XIRP2: variants seen among roughly 807,000 people sequenced by gnomAD.
XIRP2 encodes the protein xin actin-binding repeat-containing protein 2.
In XIRP2, 236 loss-of-function variants were observed where a neutral mutation model predicts 277.0. The ratio of observed to expected loss-of-function variants is 0.85; its 90% CI spans 0.77 to 0.95. The LOEUF (loss-of-function observed/expected upper bound fraction) is 0.95. XIRP2 is among the 40% of genes least tolerant of loss of function. XIRP2 has a pLI of 0.00. For synonymous variants in XIRP2, 1,490 were observed against 1,416.5 expected, an observed-to-expected ratio of 1.05 and a Z score of -1.17; for missense variants, 4,640 against 4,157.5, an observed-to-expected ratio of 1.12 and a Z score of -3.19.
intron 3 of XIRP2, among the ~76,000 whole-genome samples, chr2:167,199,256 G>T (rs1304462348): frequency 9.2e-5 from 14 of 152,136 alleles, no homozygotes; most frequent in Admixed American, 8.5e-4. Context: ...GCACAAAAAT[G>T]ATTTAAGGTA....
At chr2:167,141,879 A>C (rs184558308) in intron 3 of XIRP2, among the ~76,000 whole-genome samples, 2 of 152,242 alleles carry the variant, frequency 1.3e-5, no homozygotes, top group Admixed American at 1.3e-4. Context: ...AATATAGAAA[A>C]GAAAATATAC....
At chr2:167,110,630 T>G (rs1349592970) in intron 2 of XIRP2, among the ~76,000 whole-genome samples, 2 of 152,164 alleles carry the variant, frequency 1.3e-5, no homozygotes, top group Non-Finnish European at 2.9e-5. Context: ...TTGTTCTTTT[T>G]GCTTTGGATT....
chr2:166,940,776 C>T (rs1440450576), intron 2 of XIRP2, among the ~76,000 whole-genome samples: 1 of 152,170 alleles, frequency 6.6e-6, no homozygotes, highest in South Asian at 2.1e-4. Context: ...TGCTGAACAG[C>T]AAATGTTGCT....
chr2:167,246,975 A>C lies in XIRP2; in HGVS notation c.5583A>C (p.Glu1861Asp). 2.5e-6 allele frequency: 4 copies of C among 1,613,676 alleles called. No individual in the cohort carries two copies. The highest frequency in any genetic ancestry group is 3.4e-6 in the Non-Finnish European group (4 of 1,179,748). Residue 1861 changes from glutamate to aspartate, a missense_variant, in exon 9 of 11, where the codon GAA (glutamate) becomes GAC (aspartate). Transcript: ENST00000409195. Reference sequence around the variant, plus strand: ...ATCAGAAAACAGTGACGAAAACAGAAGAAATTATAAAAGGTAACATGCTAG... The same window carrying C: ...ATCAGAAAACAGTGACGAAAACAGACGAAATTATAAAAGGTAACATGCTAG... Reference protein sequence around the residue: ...AVNQKTVTKTEEIIKGNMLAT... With the variant: ...AVNQKTVTKTDEIIKGNMLAT...
At chr2:166,928,044 G>T (rs1309952325) in intron 2 of XIRP2, among the ~76,000 whole-genome samples, 2 of 152,098 alleles carry the variant, frequency 1.3e-5, no homozygotes, top group Non-Finnish European at 2.9e-5. Context: ...TCTGCCTTCA[G>T]TAGATCAATG....
chr2:167,020,010 A>G (rs1043350225), intron 2 of XIRP2, among the ~76,000 whole-genome samples: 13 of 152,088 alleles, frequency 8.5e-5, no homozygotes, highest in African/African-American at 3.1e-4. Flanking sequence ...ATTCGCTTTT[A>G]GGAGATGGAT....
chr2:166,899,261 TGAA>T (rs1433439155), intron 1 of XIRP2, among the ~76,000 whole-genome samples: 1 of 152,132 alleles, frequency 6.6e-6, no homozygotes, highest in Non-Finnish European at 1.5e-5. Flanking sequence ...ACAGTTTGAA[TGAA>T]GTATAGAAAC....
At chr2:167,170,077 T>A (rs1211667641) in intron 3 of XIRP2, among the ~76,000 whole-genome samples, 2 of 152,178 alleles carry the variant, frequency 1.3e-5, no homozygotes, top group Non-Finnish European at 2.9e-5. Flanking sequence ...CATATTAGTC[T>A]TTGTTGAGAG....
At chr2:167,170,019 G>A (rs1299768529) in intron 3 of XIRP2, among the ~76,000 whole-genome samples, 1 of 152,080 alleles carries the variant, frequency 6.6e-6, no homozygotes, top group African/African-American at 2.4e-5. Context: ...TCATTTTATT[G>A]TGTGACATTA....
At chr2:167,170,398 T>A (rs1438752036) in intron 3 of XIRP2, among the ~76,000 whole-genome samples, 1 of 152,168 alleles carries the variant, frequency 6.6e-6, no homozygotes, top group Non-Finnish European at 1.5e-5. Context: ...CTTTATTACA[T>A]CTTTGATAGA....
At chr2:167,241,581 A>C (rs968662438) in intron 7 of XIRP2, among the ~76,000 whole-genome samples, 196 bp from the exon 8 acceptor site, 1 of 152,026 alleles carries the variant, frequency 6.6e-6, no homozygotes, top group Non-Finnish European at 1.5e-5. Flanking sequence ...TATCTTTTTT[A>C]ATAATTTCTG....
chr2:166,922,863 T>C (rs950826752), intron 2 of XIRP2, among the ~76,000 whole-genome samples: 4 of 150,762 alleles, frequency 2.7e-5, no homozygotes, highest in African/African-American at 9.8e-5. Flanking sequence ...GGTGATAGCA[T>C]ATTGCAGATT....
chr2:167,130,493 A>C (rs1210141344), intron 2 of XIRP2, among the ~76,000 whole-genome samples: 1 of 151,990 alleles, frequency 6.6e-6, no homozygotes, highest in East Asian at 1.9e-4. Context: ...GCTGGATCCT[A>C]ACAAGTTACC....
chr2:167,221,794 G>T (rs1004908825), intron 5 of XIRP2, among the ~76,000 whole-genome samples: 2 of 151,972 alleles, frequency 1.3e-5, no homozygotes, highest in Admixed American at 6.6e-5. Context: ...CCTGCTATTT[G>T]CCCCTGGCCA....
chr2:166,900,860 C>T (rs973628249), intron 1 of XIRP2, among the ~76,000 whole-genome samples: 5 of 152,108 alleles, frequency 3.3e-5, no homozygotes, highest in Non-Finnish European at 7.4e-5. Flanking sequence ...GATCTTGATA[C>T]CGCTAGGTGG....
chr2:167,178,542 A>G (rs910425880), intron 3 of XIRP2, among the ~76,000 whole-genome samples: 10 of 152,178 alleles, frequency 6.6e-5, no homozygotes, highest in African/African-American at 2.2e-4. Context: ...CCACTAAAAA[A>G]TAATGCTCAT....
chr2:166,894,343 C>T (rs781067978), intron 1 of XIRP2, among the ~76,000 whole-genome samples: 1 of 152,120 alleles, frequency 6.6e-6, no homozygotes, highest in African/African-American at 2.4e-5. Context: ...CTGGCAGGAA[C>T]GTGAAATAAA....
At chr2:167,035,566 G>T (rs141402936) in intron 2 of XIRP2, among the ~76,000 whole-genome samples, 1 of 152,178 alleles carries the variant, frequency 6.6e-6, no homozygotes, top group African/African-American at 2.4e-5. Flanking sequence ...CATTCAAGAG[G>T]TGACTTGGGT....
At chr2:167,149,356 G>A (rs1048632023) in intron 3 of XIRP2, among the ~76,000 whole-genome samples, 2 of 152,116 alleles carry the variant, frequency 1.3e-5, no homozygotes, top group African/African-American at 2.4e-5. Flanking sequence ...GTGAGAATGA[G>A]CTCACAATCA....
Sources: allele counts gnomAD v4.1 joint callset (sites outside exome capture counted in the v4.1 genomes callset), GRCh38; gene constraint gnomAD v4.1.1; transcripts MANE v1.5; gene names NCBI Gene and HGNC (gene_info 2026-07-23, HGNC 2026-07-21).